The following TTYH1 variants were observed in gnomAD, a reference collection of about 807,000 sequenced individuals.
TTYH1 encodes the protein tweety family member 1, also known as protein tweety homolog 1.
In TTYH1, 33 loss-of-function variants were observed where a neutral mutation model predicts 61.2. That is an observed-to-expected ratio of 0.54 (90% CI 0.41 to 0.72). TTYH1 has a LOEUF of 0.72. TTYH1 is among the 30% of genes least tolerant of loss of function. The probability of loss-of-function intolerance (pLI) is 0.00; values close to 1 mark genes in which losing one functional copy is unlikely to be tolerated. For synonymous variants in TTYH1, 308 were observed against 266.4 expected (o/e 1.16, Z -1.52); for missense variants, 538 against 575.8 (o/e 0.93, Z 0.67).
intron 1 of TTYH1, chr19:54,417,015 G>A (rs2083095088): frequency 8.6e-7 from 1 of 1,165,674 alleles, no homozygotes; most frequent in Non-Finnish European, 1.1e-6. Flanking sequence ...CACAGCCGAG[G>A]AGGGCAAGGG....
chr19:54,429,406 C>T lies in TTYH1; in HGVS notation c.807+27C>T, dbSNP rs1240184656. On this transcript the variant is annotated intron_variant, in intron 6 of 13. Coordinates refer to ENST00000376530, the MANE Select transcript of TTYH1 (RefSeq NM_020659.4). This position sits in a 1 kb window ranked among gnomAD's most constrained non-coding sequence, Gnocchi z 5.1. ...TGAGTGCCAGGGCCGGGCCATTGGGCTCTGGGACTCAGGGGGCCTGGAGAC... is the reference window on the plus strand; with the variant it reads ...TGAGTGCCAGGGCCGGGCCATTGGGTTCTGGGACTCAGGGGGCCTGGAGAC... The T allele has an allele frequency of 6.2e-7, 1 of 1,607,870 alleles. No individual in the cohort carries two copies. The highest frequency in any genetic ancestry group is 8.5e-7 in the Non-Finnish European group (1 of 1,175,320).
intron 1 of TTYH1, among the ~76,000 whole-genome samples, chr19:54,418,013 C>T (rs1569249845): frequency 6.7e-6 from 1 of 149,582 alleles, no homozygotes; most frequent in Non-Finnish European, 1.5e-5. Context: ...TTGGGACACA[C>T]ACACACACAC....
At chr19:54,417,044 G>A in intron 1 of TTYH1, 7 of 837,682 alleles carry the variant, frequency 8.4e-6, no homozygotes, top group South Asian at 3.5e-5. Flanking sequence ...GCAGGGACGC[G>A]ACCACCGTGG....
At chr19:54,431,421 C>T in intron 10 of TTYH1, 1 of 554,788 alleles carries the variant, frequency 1.8e-6, no homozygotes, top group South Asian at 2.2e-5. Flanking sequence ...TCCCTTTCCC[C>T]CCAACTCCCG....
At chr19:54,422,059 C>T in intron 3 of TTYH1, 131 bp from the exon 4 acceptor site, 1 of 701,128 alleles carries the variant, frequency 1.4e-6, no homozygotes, top group Non-Finnish European at 2.4e-6. Flanking sequence ...ACTCAATCCT[C>T]AGATGTCCCA....
In TTYH1 at chr19:54,419,385, C is replaced by T. The variant is rs191550695; in HGVS notation, c.305+79C>T. The T allele has an allele frequency of 1.1e-4, 160 of 1,438,650 alleles. No homozygotes were observed. The highest frequency in any genetic ancestry group is 6.5e-4 in the East Asian group (27 of 41,576). 89.1% of individuals were successfully genotyped at this position (1,438,650 alleles called of 1,614,324 possible). ...TGCTGGCCTTCCTGGGGGTGTCCTCCGGGGACATGGAGGAAGCAGACAGGA... is the reference window on the plus strand; with the variant it reads ...TGCTGGCCTTCCTGGGGGTGTCCTCTGGGGACATGGAGGAAGCAGACAGGA... On this transcript the variant is annotated intron_variant, in intron 2 of 13. Coordinates refer to ENST00000376530, the MANE Select transcript of TTYH1 (RefSeq NM_020659.4). The surrounding 1 kb of genome is among the most constrained non-coding windows in gnomAD (Gnocchi z 6.1).
chr19:54,426,877 G>A, intron 5 of TTYH1, 109 bp downstream of exon 5: 1 of 956,976 alleles, frequency 1.0e-6, no homozygotes, highest in Non-Finnish European at 1.6e-6. Flanking sequence ...TTCACGGCCG[G>A]GTACACACGA....
At chr19:54,430,644 C>A in intron 8 of TTYH1, 39 bp downstream of exon 8, 1 of 1,605,630 alleles carries the variant, frequency 6.2e-7, no homozygotes, top group South Asian at 1.1e-5. Context: ...GTTGAGGGAG[C>A]CAGAAATCTG....
Position 54,416,682 on chromosome 19 carries a change from C to G in TTYH1, c.126+1004C>G. ...GCGCGGAGGGGATGAGTGCTGTGTT[C>G]TGAGCTATTTGGGTCACGGCTGGCA... On this transcript the variant is annotated intron_variant, in intron 1 of 13. Transcript: ENST00000376530. The surrounding 1 kb of genome is among the most constrained non-coding windows in gnomAD (Gnocchi z 7.0). 1 of 1,187,594 alleles carries G rather than the reference C, an allele frequency of 8.4e-7. No individual in the cohort carries two copies. Among genetic ancestry groups the G allele is most frequent in the Admixed American group, 2.4e-5 (1 of 41,394 alleles). 73.6% of individuals were successfully genotyped at this position (1,187,594 alleles called of 1,614,324 possible).
rs763768345 is a variant in TTYH1 at position 54,429,303 on chromosome 19, C to G, written c.735-4C>G. The G allele has an allele frequency of 2.7e-5, 44 of 1,613,904 alleles. No homozygotes were observed. Among genetic ancestry groups the G allele is most frequent in the Non-Finnish European group, 3.5e-5 (41 of 1,179,940 alleles). On this transcript the variant is annotated splice_polypyrimidine_tract_variant and splice_region_variant and intron_variant, in intron 5 of 13. Transcript: ENST00000376530. This position sits in a 1 kb window ranked among gnomAD's most constrained non-coding sequence, Gnocchi z 5.1. Reference sequence around the variant, plus strand: ...CCGGGCTGATCCTCCCTCCCCCACTCTAGGATGACAGTCATGAGTCTCCTG... The same window carrying G: ...CCGGGCTGATCCTCCCTCCCCCACTGTAGGATGACAGTCATGAGTCTCCTG...
rs1295542680 is a variant in TTYH1, at chr19:54,419,767, G to A, written c.305+461G>A. On this transcript the variant is annotated intron_variant, in intron 2 of 13. Coordinates refer to ENST00000376530, the MANE Select transcript of TTYH1 (RefSeq NM_020659.4). The surrounding 1 kb of genome is among the most constrained non-coding windows in gnomAD (Gnocchi z 6.1). ...ATTAACTGGTGATGTCTGTCATTCC[G>A]TCATTCACCAGCTCATTCATTCGAC... is the stretch of plus-strand genomic sequence containing the variant. Among the ~76,000 whole-genome samples the A allele has an allele frequency of 1.3e-5, 2 of 152,080 alleles. No individual in the cohort carries two copies. The highest frequency in any genetic ancestry group is 2.4e-5 in the African/African-American group (1 of 41,370).
chr19:54,422,394 T>C lies in TTYH1; in HGVS notation c.622T>C (p.Phe208Leu). ...CCTGCAGGTGGCTGAAAATGTGTCC[T>C]TTGTGGAGGAGTACAGGTGAGACGC... is the stretch of plus-strand genomic sequence containing the variant. ...SPLQVAENVS[F>L]VEEYRWLAYV... is the part of the protein sequence containing the mutation. The change falls in exon 4 of 14, where the codon TTT (phenylalanine) becomes CTT (leucine). Residue 208 changes from phenylalanine to leucine, a missense_variant. By Grantham distance (22) the Phe-to-Leu change is conservative. Transcript: ENST00000376530. 1 of 1,566,266 alleles carries C rather than the reference T, an allele frequency of 6.4e-7. No individual in the cohort carries two copies. Among genetic ancestry groups the C allele is most frequent in the Non-Finnish European group, 8.7e-7 (1 of 1,155,192 alleles).
chr19:54,426,377 G>A, intron 4 of TTYH1: 1 of 443,218 alleles, frequency 2.3e-6, no homozygotes, highest in Non-Finnish European at 4.1e-6. Context: ...AGCTCGGAGA[G>A]AACACATCAC....
chr19:54,430,625 G>T lies in TTYH1; in HGVS notation c.939+20G>T. The T allele has an allele frequency of 2.0e-6, 3 of 1,535,206 alleles. No individual in the cohort carries two copies. Among genetic ancestry groups the T allele is most frequent in the Non-Finnish European group, 2.7e-6 (3 of 1,129,050 alleles). On this transcript the variant is annotated intron_variant, in intron 8 of 13. Coordinates refer to ENST00000376530, the MANE Select transcript of TTYH1 (RefSeq NM_020659.4). ...CAACAGGTTAGGGCTGCGGGCAGGG[G>T]AAACGGGTGTTGAGGGAGCCAGAAA...
At position 54,416,157 on chromosome 19, in the gene TTYH1, G is replaced by A. The variant is rs1000427212; in HGVS notation, c.126+479G>A. ...CGCTGGCTGCTGCGGTGCTGGGATG[G>A]GATTGAGAGTCTGAAATGGGGAAGG... On this transcript the variant is annotated intron_variant, in intron 1 of 13. Transcript: ENST00000376530. This position sits in a 1 kb window ranked among gnomAD's most constrained non-coding sequence, Gnocchi z 7.0. 54 of 1,038,922 alleles carry A rather than the reference G, an allele frequency of 5.2e-5. No homozygotes were observed. Among genetic ancestry groups the A allele is most frequent in the Non-Finnish European group, 7.1e-5 (53 of 749,528 alleles). The allele number at this position is 1,038,922 out of a possible 1,614,324, so 64.4% of individuals were successfully genotyped here.
In TTYH1 at chr19:54,415,654, G is replaced by T; in HGVS notation, c.102G>T (p.Ala34=). The change falls in exon 1 of 14, where the codon GCG becomes GCT. Residue 34 remains alanine, a synonymous_variant. Transcript: ENST00000376530. The surrounding 1 kb of genome is among the most constrained non-coding windows in gnomAD (Gnocchi z 5.2). Reference sequence around the variant, plus strand: ...TCCGCCCGGTGCCCAGCGTTTTCGCGCCCCAAGAGCAGGAATACCAGCAGG... The same window carrying T: ...TCCGCCCGGTGCCCAGCGTTTTCGCTCCCCAAGAGCAGGAATACCAGCAGG... The part of the protein sequence containing the change: ...FQLRPVPSVF[A]PQEQEYQQAL... The T allele has an allele frequency of 1.3e-6, 2 of 1,563,332 alleles. No homozygotes were observed. The highest frequency in any genetic ancestry group is 1.7e-6 in the Non-Finnish European group (2 of 1,162,404).
chr19:54,426,832 G>A, intron 5 of TTYH1, 64 bp downstream of exon 5: 1 of 1,425,206 alleles, frequency 7.0e-7, no homozygotes, highest in Non-Finnish European at 9.8e-7. Flanking sequence ...CAGGACCTCA[G>A]TCTTACAACT....
At position 54,436,305 on chromosome 19, in the gene TTYH1, A is replaced by G; in HGVS notation, c.*43-28A>G. The stretch of plus-strand genomic sequence containing the variant: ...CCGGGCAGGCCCTCCAGCCTGCATC[A>G]CTGCCCTGTCTCTCCCTCTCTCCGC... On this transcript the variant is annotated intron_variant, in intron 13 of 13. Transcript: ENST00000376530. The surrounding 1 kb of genome is among the most constrained non-coding windows in gnomAD (Gnocchi z 4.3). 1 of 1,613,920 alleles carries G rather than the reference A, an allele frequency of 6.2e-7. No homozygotes were observed. The highest frequency in any genetic ancestry group is 8.5e-7 in the Non-Finnish European group (1 of 1,179,934).
intron 10 of TTYH1, chr19:54,431,447 C>T: frequency 1.9e-6 from 1 of 526,480 alleles, no homozygotes; most frequent in East Asian, 3.5e-5. Context: ...CCCGCTGGGT[C>T]CCCATCCCAC....
Sources: gnomAD v4.1 joint callset for allele counts (sites outside exome capture counted in the v4.1 genomes callset) on GRCh38, gnomAD v4.1.1 for gene constraint, Gnocchi (gnomAD v3.1) non-coding constraint, MANE v1.5 for transcripts, NCBI Gene and HGNC (gene_info 2026-07-23, HGNC 2026-07-21) for gene names.